RHAG: variants seen among roughly 807,000 people sequenced by gnomAD.
RHAG encodes ammonium transporter Rh type A.
Under a neutral mutation model 42.4 loss-of-function variants are expected in RHAG, and 25 were observed. The observed-to-expected ratio is 0.59, with a 90% CI of 0.43 to 0.82. The LOEUF is 0.82. RHAG is among the 40% of genes least tolerant of loss of function. The pLI is 0.00. For missense variants in RHAG, 483 were observed against 504.6 expected, an observed-to-expected ratio of 0.96 and a Z score of 0.41; for synonymous variants, 182 against 177.7, an observed-to-expected ratio of 1.02 and a Z score of -0.19.
chr6:49,620,794 T>C (rs759410569), intron 1 of RHAG, among the ~76,000 whole-genome samples: 6 of 152,060 alleles, frequency 3.9e-5, no homozygotes, highest in Non-Finnish European at 7.4e-5. Context: ...GCCTCCCAAA[T>C]TGCTGGGATT....
chr6:49,623,190 A>C (rs1385093666), intron 1 of RHAG, among the ~76,000 whole-genome samples: 2 of 152,102 alleles, frequency 1.3e-5, no homozygotes, highest in Non-Finnish European at 2.9e-5. Context: ...ACTGTGCTTC[A>C]CTGTTTTTCC....
At chr6:49,623,666 A>G (rs1438307667) in intron 1 of RHAG, among the ~76,000 whole-genome samples, 1 of 152,196 alleles carries the variant, frequency 6.6e-6, no homozygotes, top group African/African-American at 2.4e-5. Flanking sequence ...GGTGCCGCTG[A>G]TGTCCTGAGG....
chr6:49,622,220 T>G (rs1422617009), intron 1 of RHAG, among the ~76,000 whole-genome samples: 2 of 150,364 alleles, frequency 1.3e-5, no homozygotes, highest in African/African-American at 4.9e-5. Context: ...CTGATGGTTT[T>G]TTTTTTTTTT....
At chr6:49,610,990 C>A in intron 7 of RHAG, 34 bp downstream of exon 7, 1 of 1,613,168 alleles carries the variant, frequency 6.2e-7, no homozygotes, top group Non-Finnish European at 8.5e-7. Flanking sequence ...CATCATGGGA[C>A]CACAGGGGCT....
chr6:49,615,793 A>G (rs750451553), intron 3 of RHAG, 22 bp from the exon 4 acceptor site: 2 of 1,613,168 alleles, frequency 1.2e-6, no homozygotes, highest in East Asian at 4.5e-5. Context: ...AATAGCATTC[A>G]CATAAATAGA....
intron 1 of RHAG, among the ~76,000 whole-genome samples, chr6:49,633,790 C>T (rs1401319666): frequency 6.6e-6 from 1 of 152,028 alleles, no homozygotes; most frequent in Non-Finnish European, 1.5e-5. Flanking sequence ...ATCTCTTGTC[C>T]AAATGCATTT....
intron 3 of RHAG, among the ~76,000 whole-genome samples, chr6:49,617,643 A>C (rs767173914): frequency 1.3e-5 from 2 of 152,200 alleles, no homozygotes; most frequent in Non-Finnish European, 2.9e-5. Flanking sequence ...TGGAGAAAAA[A>C]GTTTGACTGA....
At chr6:49,616,792 A>AT (rs1175366643) in intron 3 of RHAG, among the ~76,000 whole-genome samples, 1 of 152,206 alleles carries the variant, frequency 6.6e-6, no homozygotes, top group Admixed American at 6.5e-5. Context: ...TGAGTCAAAT[A>AT]TCTTCCCAGC....
At chr6:49,619,821 T>G (rs1762723648) in intron 1 of RHAG, among the ~76,000 whole-genome samples, 1 of 152,224 alleles carries the variant, frequency 6.6e-6, no homozygotes, top group Non-Finnish European at 1.5e-5. Context: ...TGTCACACTG[T>G]AATAGTCAAT....
At chr6:49,629,396 C>T (rs1203585862) in intron 1 of RHAG, among the ~76,000 whole-genome samples, 1 of 152,162 alleles carries the variant, frequency 6.6e-6, no homozygotes, top group Non-Finnish European at 1.5e-5. Flanking sequence ...GAGCTAGATA[C>T]AGAGTGCCGG....
intron 5 of RHAG, among the ~76,000 whole-genome samples, chr6:49,613,694 G>T (rs758010908): frequency 7.2e-5 from 11 of 152,130 alleles, no homozygotes; most frequent in Non-Finnish European, 1.6e-4. Flanking sequence ...AAACTCAAGA[G>T]ACCAATTTGG....
chr6:49,622,164 G>A (rs946461330), intron 1 of RHAG, among the ~76,000 whole-genome samples: 1 of 151,570 alleles, frequency 6.6e-6, no homozygotes, highest in African/African-American at 2.4e-5. Context: ...AATGGAGGCA[G>A]GTCCTTCCCG....
chr6:49,631,747 C>T lies in RHAG; in HGVS notation c.157+4909G>A, dbSNP rs149938591. On this transcript the variant is annotated intron_variant, in intron 1 of 9. Transcript: ENST00000371175. The stretch of plus-strand genomic sequence containing the variant: ...TTGCAGGCCTTTTAAGTAGGCAAAA[C>T]TGTCCAATTCAAAGGCATCACATCG... Among the ~76,000 whole-genome samples, 689 of 152,326 alleles carry T rather than the reference C, an allele frequency of 4.5e-3. 10 individuals are homozygous for T. The highest frequency in any genetic ancestry group is 0.016 in the African/African-American group (651 of 41,566).
chr6:49,624,573 T>G (rs1762813301), intron 1 of RHAG, among the ~76,000 whole-genome samples: 1 of 152,228 alleles, frequency 6.6e-6, no homozygotes, highest in African/African-American at 2.4e-5. Context: ...GCTAGTAGTT[T>G]ATATTCCATT....
intron 7 of RHAG, among the ~76,000 whole-genome samples, chr6:49,609,104 A>C (rs1457135547): frequency 6.6e-6 from 1 of 152,146 alleles, no homozygotes; most frequent in Non-Finnish European, 1.5e-5. Flanking sequence ...CAAAAACCTA[A>C]TTTGCATTTT....
At chr6:49,620,501 A>C (rs975771547) in intron 1 of RHAG, among the ~76,000 whole-genome samples, 1 of 151,998 alleles carries the variant, frequency 6.6e-6, no homozygotes, top group Non-Finnish European at 1.5e-5. Context: ...ACAGTGGACA[A>C]ACCTGAATGG....
intron 1 of RHAG, among the ~76,000 whole-genome samples, chr6:49,631,707 A>G (rs934214338): frequency 6.6e-6 from 1 of 152,162 alleles, no homozygotes; most frequent in Non-Finnish European, 1.5e-5. Flanking sequence ...TCTTAGTTCT[A>G]TTTGTGCCCA....
At chr6:49,624,605 G>T (rs1050801829) in intron 1 of RHAG, among the ~76,000 whole-genome samples, 35 of 152,308 alleles carry the variant, frequency 2.3e-4, no homozygotes, top group African/African-American at 6.7e-4. Flanking sequence ...CTAGCTGTGT[G>T]TCTTTGGATA....
At chr6:49,636,154 A>C (rs1182141778) in intron 1 of RHAG, among the ~76,000 whole-genome samples, 1 of 152,118 alleles carries the variant, frequency 6.6e-6, no homozygotes, top group Admixed American at 6.6e-5. Context: ...AGAATATTGT[A>C]AAACTCTGAG....
Sources: gnomAD v4.1 joint callset for allele counts (sites outside exome capture counted in the v4.1 genomes callset) on GRCh38, gnomAD v4.1.1 for gene constraint, MANE v1.5 for transcripts, NCBI Gene and HGNC (gene_info 2026-07-23, HGNC 2026-07-21) for gene names.